Variants in AK8 observed in about 807,000 individuals in gnomAD.
AK8 encodes the protein adenylate kinase 8.
In AK8, 44 loss-of-function variants were observed where a neutral mutation model predicts 54.6. That is an observed-to-expected ratio of 0.81 (90% CI 0.63 to 1.04). The LOEUF (loss-of-function observed/expected upper bound fraction) is 1.04. Among genes scored for constraint, AK8 ranks in the 50% least tolerant of loss-of-function variants. The probability of loss-of-function intolerance (pLI) is 0.00; values close to 1 mark genes in which losing one functional copy is unlikely to be tolerated. For synonymous variants in AK8, 239 were observed against 245.6 expected (o/e 0.97, Z 0.25); for missense variants, 555 against 613.6 (o/e 0.90, Z 1.01).
At chr9:132,851,005 C>T (rs892318521) in intron 5 of AK8, among the ~76,000 whole-genome samples, 1 of 151,886 alleles carries the variant, frequency 6.6e-6, no homozygotes, top group East Asian at 1.9e-4. Flanking sequence ...TCATAAAACA[C>T]ACAGGGCAGC....
chr9:132,765,108 C>T (rs1214211378), intron 11 of AK8, among the ~76,000 whole-genome samples: 1 of 151,634 alleles, frequency 6.6e-6, no homozygotes, highest in African/African-American at 2.4e-5. Context: ...GCCTGGGCAA[C>T]ACGGTGAAAC....
rs139171438 is a variant in AK8 at position 132,727,184 on chromosome 9, CT to C, written c.1202+269del. ...CCACCCAAGGCTGCTGTTTCACATG[CT>C]GGGATTAAGCTGTTGATCCCAGGAT... On this transcript the variant is annotated intron_variant, in intron 12 of 12. Transcript: ENST00000298545. Among the ~76,000 whole-genome samples the C allele has an allele frequency of 7.6e-3, 1,161 of 152,266 alleles. 15 individuals are homozygous for C. The highest frequency in any genetic ancestry group is 0.025 in the African/African-American group (1,052 of 41,558).
At chr9:132,875,759 G>A (rs1388890791) in intron 1 of AK8, among the ~76,000 whole-genome samples, 1 of 152,212 alleles carries the variant, frequency 6.6e-6, no homozygotes, top group African/African-American at 2.4e-5. Context: ...CAGGCCATGG[G>A]TTCTGTGGGC....
At chr9:132,840,804 A>G (rs914501809) in intron 5 of AK8, among the ~76,000 whole-genome samples, 1 of 152,142 alleles carries the variant, frequency 6.6e-6, no homozygotes, top group Non-Finnish European at 1.5e-5. Context: ...GAGGTGGGAG[A>G]ATCACTTGAA....
At chr9:132,798,684 C>T (rs1288423685) in intron 10 of AK8, among the ~76,000 whole-genome samples, 2 of 151,798 alleles carry the variant, frequency 1.3e-5, no homozygotes, top group Admixed American at 6.6e-5. Context: ...CACATGGTTT[C>T]GTTTGTTTTT....
intron 8 of AK8, among the ~76,000 whole-genome samples, chr9:132,825,990 G>C (rs924860687): frequency 6.6e-6 from 1 of 152,162 alleles, no homozygotes. Flanking sequence ...TAATACAGCT[G>C]TTTGGGGATA....
chr9:132,740,262 T>A (rs574372322), intron 11 of AK8, among the ~76,000 whole-genome samples: 1 of 152,234 alleles, frequency 6.6e-6, no homozygotes, highest in African/African-American at 2.4e-5. Context: ...TCTGGTTTTA[T>A]GTAATCCTCA....
At chr9:132,752,997 C>G (rs886906740) in intron 11 of AK8, among the ~76,000 whole-genome samples, 76 of 152,286 alleles carry the variant, frequency 5.0e-4, no homozygotes, top group African/African-American at 1.9e-4. Flanking sequence ...GCGTCTGGAA[C>G]GGTGCCTGGC....
intron 11 of AK8, among the ~76,000 whole-genome samples, chr9:132,759,100 G>A (rs994242047): frequency 6.6e-6 from 1 of 151,520 alleles, no homozygotes; most frequent in African/African-American, 2.4e-5. Flanking sequence ...GGAGGCCAAG[G>A]TGGGAGGACT....
chr9:132,855,462 C>T (rs1022790406), intron 4 of AK8, among the ~76,000 whole-genome samples: 4 of 152,190 alleles, frequency 2.6e-5, no homozygotes, highest in Admixed American at 6.5e-5. Context: ...TCAGCAGAGG[C>T]GAGTGTGTCC....
rs115717495 is a variant in AK8 at position 132,797,960 on chromosome 9, C to T, written c.980-5185G>A. On this transcript the variant is annotated intron_variant, in intron 10 of 12. Transcript: ENST00000298545. ...CTGTGTTAGCAGTCCTGCGAAAGCT[C>T]CTCGTTCGAGTCCTTTAACCTTTTA... is the stretch of plus-strand genomic sequence containing the variant. Among the ~76,000 whole-genome samples the T allele has an allele frequency of 3.9e-3, 594 of 152,330 alleles. 2 individuals carry two copies. Among genetic ancestry groups the T allele is most frequent in the African/African-American group, 0.014 (581 of 41,576 alleles).
intron 11 of AK8, among the ~76,000 whole-genome samples, chr9:132,748,487 C>T (rs1837758354): frequency 6.6e-6 from 1 of 151,900 alleles, no homozygotes. Flanking sequence ...GTGTGAATAG[C>T]TCAGTGCAAA....
intron 5 of AK8, among the ~76,000 whole-genome samples, chr9:132,833,130 T>A (rs1842175163): frequency 6.6e-6 from 1 of 152,110 alleles, no homozygotes; most frequent in African/African-American, 2.4e-5. Context: ...TGACCAAACC[T>A]CTGTTGAAGG....
chr9:132,870,611 G>A (rs1026179420), intron 2 of AK8, among the ~76,000 whole-genome samples: 3 of 152,212 alleles, frequency 2.0e-5, no homozygotes, highest in East Asian at 1.9e-4. Flanking sequence ...CCTTTCTGGC[G>A]GCGAAGGGGC....
chr9:132,761,157 G>C (rs563152458), intron 11 of AK8, among the ~76,000 whole-genome samples: 32 of 152,062 alleles, frequency 2.1e-4, no homozygotes, highest in Non-Finnish European at 4.6e-4. Flanking sequence ...ACCTGTAAAA[G>C]GCATCTGGGC....
At position 132,827,238 on chromosome 9, in the gene AK8, CTAT is replaced by C. The variant is rs576524344; in HGVS notation, c.557-187_557-185del. The stretch of plus-strand genomic sequence containing the variant: ...CCAGCTACTCTGAGCCTGCTCTTAA[CTAT>C]TATTCTTGTTACAATACAAGAACAG... On this transcript the variant is annotated intron_variant, in intron 7 of 12. Coordinates refer to ENST00000298545, the MANE Select transcript of AK8 (RefSeq NM_152572.3). 506 of 640,668 alleles carry C rather than the reference CTAT, an allele frequency of 7.9e-4. 1 individual carries two copies. Among genetic ancestry groups the C allele is most frequent in the Admixed American group, 1.2e-3 (45 of 36,688 alleles). 39.7% of individuals were successfully genotyped at this position (640,668 alleles called of 1,614,324 possible).
At chr9:132,786,191 A>G (rs1377148846) in intron 11 of AK8, among the ~76,000 whole-genome samples, 1 of 152,198 alleles carries the variant, frequency 6.6e-6, no homozygotes, top group African/African-American at 2.4e-5. Flanking sequence ...ACTGGTGGCT[A>G]AAATAAGGGG....
chr9:132,819,314 G>T (rs1462649512), intron 9 of AK8, among the ~76,000 whole-genome samples: 1 of 152,200 alleles, frequency 6.6e-6, no homozygotes, highest in Non-Finnish European at 1.5e-5. Context: ...AAGTGTATAG[G>T]AGAATGTATG....
In AK8 at chr9:132,727,553, T is replaced by C. The variant is rs1340629809; in HGVS notation, c.1122-19A>G. ...AAACACCCTATAAGGAAATAAACCA[T>C]ATTAATAATGGTTTTTATTTCCTGT... On this transcript the variant is annotated intron_variant, in intron 11 of 12. Coordinates refer to ENST00000298545, the MANE Select transcript of AK8 (RefSeq NM_152572.3). The C allele has an allele frequency of 1.2e-6, 2 of 1,603,232 alleles. No individual in the cohort carries two copies. Among genetic ancestry groups the C allele is most frequent in the South Asian group, 2.2e-5 (2 of 90,850 alleles).
Sources: allele counts gnomAD v4.1 joint callset (sites outside exome capture counted in the v4.1 genomes callset), GRCh38; gene constraint gnomAD v4.1.1; transcripts MANE v1.5; gene names NCBI Gene and HGNC (gene_info 2026-07-23, HGNC 2026-07-21).